The following RAPH1 variants were observed in gnomAD, a reference collection of about 807,000 sequenced individuals.
RAPH1 encodes Ras association (RalGDS/AF-6) and pleckstrin homology domains 1.
RAPH1 carries 18 observed loss-of-function variants against 88.1 expected under a neutral mutation model. The observed-to-expected ratio is 0.20, with a 90% CI of 0.14 to 0.30. The LOEUF (loss-of-function observed/expected upper bound fraction) is 0.30, where lower values mean the gene tolerates loss of function less well. Among genes scored for constraint, RAPH1 ranks in the 10% least tolerant of loss-of-function variants. The pLI, the probability that RAPH1 is intolerant of heterozygous loss-of-function variation, is 1.00. For missense variants in RAPH1, 1,448 were observed against 1,543.2 expected (o/e 0.94, Z 1.03); for synonymous variants, 587 against 559.0 (o/e 1.05, Z -0.71).
rs1168898115 is a variant in RAPH1 at position 203,437,053 on chromosome 2, T to C, written c.*2384A>G. ...AGTCTCCTCCTCTAGCCTTACTCTC[T>C]TCCTGGCATCATTAGTGTTCAAAAG... On this transcript the variant is annotated 3_prime_UTR_variant, in exon 14 of 14. Coordinates refer to ENST00000319170, the MANE Select transcript of RAPH1 (RefSeq NM_213589.3). 6.6e-6 allele frequency: 1 copy of C among 152,130 alleles called. No individual in the cohort carries two copies. The highest frequency in any genetic ancestry group is 1.9e-4 in the East Asian group (1 of 5,196). 9.4% of individuals were successfully genotyped at this position (152,130 alleles called of 1,614,324 possible).
intron 1 of RAPH1, among the ~76,000 whole-genome samples, chr2:203,521,460 T>C (rs1251211935): frequency 6.6e-6 from 1 of 152,152 alleles, no homozygotes; most frequent in Admixed American, 6.5e-5. Flanking sequence ...ATGTATTAAA[T>C]GGACTAAAAC....
intron 6 of RAPH1, 98 bp from the exon 7 acceptor site, chr2:203,460,126 T>A: frequency 9.6e-7 from 1 of 1,042,864 alleles, no homozygotes; most frequent in East Asian, 2.5e-5. Context: ...AACCACATAA[T>A]CTTAACCGAC....
intron 1 of RAPH1, among the ~76,000 whole-genome samples, chr2:203,526,426 T>C (rs1371778849): frequency 6.6e-6 from 1 of 152,156 alleles, no homozygotes; most frequent in East Asian, 1.9e-4. Flanking sequence ...TGACTTCATA[T>C]AAGAATACTA....
At chr2:203,485,495 G>A (rs1221807551) in intron 4 of RAPH1, among the ~76,000 whole-genome samples, 2 of 151,632 alleles carry the variant, frequency 1.3e-5, no homozygotes, top group African/African-American at 4.8e-5. Flanking sequence ...ATTCATTCAT[G>A]GACAGTCTTC....
Position 203,506,886 on chromosome 2 carries a change from A to T in RAPH1, c.1-11533T>A, listed in dbSNP as rs1301274801. On this transcript the variant is annotated intron_variant, in intron 1 of 13. Transcript: ENST00000319170. ...TATATATATATATATATATAGATAT[A>T]TATATATATATATTTTTTTTTTTTT... Among the ~76,000 whole-genome samples, 20 of 101,974 alleles carry T rather than the reference A, an allele frequency of 2.0e-4. 1 individual carries two copies. Among genetic ancestry groups the T allele is most frequent in the African/African-American group, 9.6e-4 (18 of 18,694 alleles). 66.9% of individuals were successfully genotyped at this position (101,974 alleles called of 152,430 possible).
In RAPH1 at chr2:203,485,777, G is replaced by A. The variant is rs145053919; in HGVS notation, c.732+3807C>T. The stretch of plus-strand genomic sequence containing the variant: ...GACGTTTTTAGTTGTCACAACTGAA[G>A]AAGGTAAATGTGTACTACTGACATC... On this transcript the variant is annotated intron_variant, in intron 4 of 13. Transcript: ENST00000319170. 1.8e-3 allele frequency among the ~76,000 whole-genome samples: 268 copies of A among 152,248 alleles called. 4 individuals are homozygous for A. Among genetic ancestry groups the A allele is most frequent in the African/African-American group, 6.2e-3 (259 of 41,562 alleles).
rs1230575800 is a variant in RAPH1, at chr2:203,482,020, A to C, written c.732+7564T>G. Among the ~76,000 whole-genome samples the C allele has an allele frequency of 1.1e-4, 15 of 138,464 alleles. No individual in the cohort carries two copies. In the East Asian group the frequency reaches 1.9e-3, roughly 18 times the overall value. 90.8% of individuals were successfully genotyped at this position (138,464 alleles called of 152,430 possible). A position where few individuals can be genotyped will look rare whatever the true frequency, so the allele number is the denominator to read the frequency against. On this transcript the variant is annotated intron_variant, in intron 4 of 13. Coordinates refer to ENST00000319170, the MANE Select transcript of RAPH1 (RefSeq NM_213589.3). ...TTTTACTTCTGCAGAAAAAAAAAAC[A>C]CACACACACACAGATTTCCAAGAAA...
Position 203,460,100 on chromosome 2 carries a change from A to C in RAPH1, c.971-72T>G, listed in dbSNP as rs2098523149. 4 of 1,362,024 alleles carry C rather than the reference A, an allele frequency of 2.9e-6. No individual in the cohort carries two copies. In the South Asian group the frequency reaches 5.2e-5, roughly 18 times the overall value. 84.4% of individuals were successfully genotyped at this position (1,362,024 alleles called of 1,614,324 possible). ...TGCATGAAAGACATGAAACTTTGTGAAGTAGTTAACCTCAGAACCACATAA... is the reference window on the plus strand; with the variant it reads ...TGCATGAAAGACATGAAACTTTGTGCAGTAGTTAACCTCAGAACCACATAA... On this transcript the variant is annotated intron_variant, in intron 6 of 13. Transcript: ENST00000319170.
intron 1 of RAPH1, among the ~76,000 whole-genome samples, chr2:203,495,848 T>C (rs1688486619): frequency 6.6e-6 from 1 of 152,164 alleles, no homozygotes; most frequent in Non-Finnish European, 1.5e-5. Flanking sequence ...AAAACAAAAA[T>C]CTTAATCTAG....
At chr2:203,503,452 C>T (rs1173710137) in intron 1 of RAPH1, among the ~76,000 whole-genome samples, 2 of 152,138 alleles carry the variant, frequency 1.3e-5, no homozygotes, top group African/African-American at 4.8e-5. Context: ...CATCAGATCT[C>T]ATGAACTTAT....
At chr2:203,512,406 A>T (rs1295712398) in intron 1 of RAPH1, among the ~76,000 whole-genome samples, 1 of 151,464 alleles carries the variant, frequency 6.6e-6, no homozygotes, top group Non-Finnish European at 1.5e-5. Flanking sequence ...TTCTCCCTCC[A>T]TGTTTGTATG....
rs572127554 is a variant in RAPH1 at position 203,437,437 on chromosome 2, C to T, written c.*2000G>A. 2 of 152,320 alleles carry T rather than the reference C, an allele frequency of 1.3e-5. No individual in the cohort carries two copies. The highest frequency in any genetic ancestry group is 6.5e-5 in the Admixed American group (1 of 15,298). 9.4% of individuals were successfully genotyped at this position (152,320 alleles called of 1,614,324 possible). A position where few individuals can be genotyped will look rare whatever the true frequency, so the allele number is the denominator to read the frequency against. On this transcript the variant is annotated 3_prime_UTR_variant, in exon 14 of 14. Coordinates refer to ENST00000319170, the MANE Select transcript of RAPH1 (RefSeq NM_213589.3). ...CTATGAGAAATTCATTCATGAATCACAGTAGCGCTTGGCAATCTACTCAAA... is the reference window on the plus strand; with the variant it reads ...CTATGAGAAATTCATTCATGAATCATAGTAGCGCTTGGCAATCTACTCAAA...
intron 1 of RAPH1, among the ~76,000 whole-genome samples, chr2:203,509,066 A>T (rs986255379): frequency 1.7e-5 from 2 of 120,502 alleles, no homozygotes; most frequent in Admixed American, 9.2e-5. Flanking sequence ...TTAAAAAATA[A>T]TTTTTTTTTT....
At chr2:203,441,730 A>G (rs969589156) in intron 13 of RAPH1, 4 of 1,282,702 alleles carry the variant, frequency 3.1e-6, no homozygotes, top group South Asian at 2.5e-5. Flanking sequence ...CCTTGGCTGT[A>G]TGACTTTGAC....
intron 4 of RAPH1, among the ~76,000 whole-genome samples, chr2:203,480,525 G>T (rs1246435018): frequency 3.3e-5 from 5 of 152,042 alleles, no homozygotes; most frequent in Admixed American, 6.6e-5. Context: ...TCCAGCCTAG[G>T]CAAAAGAGCA....
chr2:203,486,177 G>C (rs776264550), intron 4 of RAPH1, among the ~76,000 whole-genome samples: 11 of 151,734 alleles, frequency 7.2e-5, no homozygotes, highest in Non-Finnish European at 1.5e-4. Flanking sequence ...TTGAACCAGA[G>C]AGATTTAATC....
intron 4 of RAPH1, among the ~76,000 whole-genome samples, chr2:203,482,343 G>A (rs1232215716): frequency 1.3e-5 from 2 of 152,106 alleles, no homozygotes; most frequent in African/African-American, 4.8e-5. Context: ...CCGCCACCAT[G>A]CCTGGCTAAT....
chr2:203,521,963 A>T (rs1198742515), intron 1 of RAPH1, among the ~76,000 whole-genome samples: 2 of 152,180 alleles, frequency 1.3e-5, no homozygotes, highest in Non-Finnish European at 2.9e-5. Context: ...TGAAAGAAAG[A>T]AAAAAGGAAA....
intron 4 of RAPH1, among the ~76,000 whole-genome samples, chr2:203,483,456 G>A (rs1687818577): frequency 6.6e-6 from 1 of 152,228 alleles, no homozygotes; most frequent in Non-Finnish European, 1.5e-5. Context: ...TGATGAACTA[G>A]ACGGATGGAA....
Sources: allele counts gnomAD v4.1 joint callset (sites outside exome capture counted in the v4.1 genomes callset), GRCh38; gene constraint gnomAD v4.1.1; transcripts MANE v1.5; gene names NCBI Gene and HGNC (gene_info 2026-07-23, HGNC 2026-07-21).